The following ASIC2 variants were observed in gnomAD, a reference collection of about 807,000 sequenced individuals.
ASIC2 encodes acid sensing ion channel subunit 2.
In ASIC2, 25 loss-of-function variants were observed where a neutral mutation model predicts 57.3. The ratio of observed to expected loss-of-function variants is 0.44; its 90% CI spans 0.32 to 0.61. The LOEUF is 0.61. Ranked by LOEUF, ASIC2 falls within the 20% of genes least tolerant of loss-of-function variation. ASIC2 has a pLI of 0.06. For missense variants in ASIC2, 641 were observed against 738.1 expected (o/e 0.87, Z 1.52); for synonymous variants, 319 against 307.5 (o/e 1.04, Z -0.39).
At chr17:33,233,914 G>A (rs138554377) in intron 1 of ASIC2, among the ~76,000 whole-genome samples, 3 of 152,316 alleles carry the variant, frequency 2.0e-5, no homozygotes, top group Admixed American at 2.0e-4. Flanking sequence ...GTTTTCTTTA[G>A]GCGGGACAGC....
intron 1 of ASIC2, among the ~76,000 whole-genome samples, chr17:33,991,632 A>G (rs1906002736): frequency 6.6e-6 from 1 of 152,182 alleles, no homozygotes; most frequent in Non-Finnish European, 1.5e-5. Context: ...CCCCAAGGCA[A>G]TGCACTGTTG....
chr17:33,801,819 A>G (rs1030206236), intron 1 of ASIC2, among the ~76,000 whole-genome samples: 4 of 152,208 alleles, frequency 2.6e-5, no homozygotes, highest in African/African-American at 7.2e-5. Flanking sequence ...CCTCATTTAC[A>G]GGGCTCAATA....
intron 1 of ASIC2, among the ~76,000 whole-genome samples, chr17:33,780,700 C>G (rs1446844966): frequency 1.3e-5 from 2 of 152,154 alleles, no homozygotes; most frequent in African/African-American, 2.4e-5. Flanking sequence ...GGCACTGTCC[C>G]CAGAACCCAG....
intron 1 of ASIC2, among the ~76,000 whole-genome samples, chr17:33,535,519 G>A (rs1168054163): frequency 1.3e-5 from 2 of 151,776 alleles, no homozygotes; most frequent in East Asian, 1.9e-4. Flanking sequence ...CTCATGATCT[G>A]CCCGTCTCGG....
chr17:33,350,193 A>G (rs1273339764), intron 1 of ASIC2, among the ~76,000 whole-genome samples: 1 of 152,028 alleles, frequency 6.6e-6, no homozygotes, highest in African/African-American at 2.4e-5. Context: ...ACATGTATTT[A>G]TTTCCTGATT....
intron 1 of ASIC2, among the ~76,000 whole-genome samples, chr17:33,122,688 C>T (rs2092307571): frequency 6.6e-6 from 1 of 152,066 alleles, no homozygotes; most frequent in Non-Finnish European, 1.5e-5. Context: ...CATTTGAAAT[C>T]CCCTCTTTTA....
intron 1 of ASIC2, among the ~76,000 whole-genome samples, chr17:33,440,003 A>T (rs1308011212): frequency 6.6e-6 from 1 of 152,174 alleles, no homozygotes; most frequent in Non-Finnish European, 1.5e-5. Flanking sequence ...TTTTAAACAG[A>T]TATTTTGAGG....
intron 1 of ASIC2, among the ~76,000 whole-genome samples, chr17:33,221,110 T>C (rs1405066871): frequency 2.6e-5 from 4 of 152,006 alleles, no homozygotes; most frequent in African/African-American, 7.2e-5. Flanking sequence ...ATGCCAGGTG[T>C]AGGCAGACCC....
chr17:33,863,304 C>T (rs993932081), intron 1 of ASIC2, among the ~76,000 whole-genome samples: 3 of 152,222 alleles, frequency 2.0e-5, no homozygotes, highest in African/African-American at 7.2e-5. Flanking sequence ...AGCCGCAGTT[C>T]ACATAGAACT....
chr17:33,192,878 G>T (rs544225161), intron 1 of ASIC2, among the ~76,000 whole-genome samples: 28 of 151,690 alleles, frequency 1.8e-4, no homozygotes, highest in Non-Finnish European at 2.8e-4. Flanking sequence ...ATTTTTTTCC[G>T]CCATGTGATT....
At chr17:33,523,712 C>T (rs540947633) in intron 1 of ASIC2, among the ~76,000 whole-genome samples, 4 of 152,256 alleles carry the variant, frequency 2.6e-5, no homozygotes, top group East Asian at 1.9e-4. Flanking sequence ...TAAATAATCT[C>T]GAAGACACCC....
chr17:33,760,360 A>G (rs998764568), intron 1 of ASIC2, among the ~76,000 whole-genome samples: 2 of 152,068 alleles, frequency 1.3e-5, no homozygotes, highest in African/African-American at 4.8e-5. Context: ...TCAACAGAAC[A>G]CCCAGATATG....
intron 1 of ASIC2, among the ~76,000 whole-genome samples, chr17:33,353,036 C>T (rs918676801): frequency 7.2e-5 from 11 of 152,212 alleles, no homozygotes; most frequent in Non-Finnish European, 1.6e-4. Context: ...GGATTCTGAG[C>T]TCCTTAAGCG....
At chr17:33,363,657 C>T (rs1040390187) in intron 1 of ASIC2, among the ~76,000 whole-genome samples, 11 of 152,220 alleles carry the variant, frequency 7.2e-5, no homozygotes, top group Admixed American at 5.2e-4. Flanking sequence ...TCCCCATTCA[C>T]AGGTCAGTTG....
intron 1 of ASIC2, among the ~76,000 whole-genome samples, chr17:33,365,890 A>C (rs555376445): frequency 6.6e-6 from 1 of 152,350 alleles, no homozygotes; most frequent in South Asian, 2.1e-4. Context: ...GACATTGGCA[A>C]GGTAGGACTT....
chr17:33,707,272 C>A (rs1908891181), intron 1 of ASIC2, among the ~76,000 whole-genome samples: 1 of 152,048 alleles, frequency 6.6e-6, no homozygotes, highest in South Asian at 2.1e-4. Flanking sequence ...AAACCTATAA[C>A]CTTTAATTAT....
At chr17:34,099,132 G>C (rs796199671) in intron 1 of ASIC2, among the ~76,000 whole-genome samples, 2 of 32,460 alleles carry the variant, frequency 6.2e-5, no homozygotes, top group East Asian at 2.3e-3. Context: ...GAGAGAGAGA[G>C]AGAGAGAGAG....
At chr17:33,275,514 G>C (rs1446751271) in intron 1 of ASIC2, among the ~76,000 whole-genome samples, 5 of 152,170 alleles carry the variant, frequency 3.3e-5, no homozygotes, top group Non-Finnish European at 7.4e-5. Context: ...ACTAGCATCG[G>C]CCCTGGAAAG....
chr17:33,575,781 AG>A (rs1916600323), intron 1 of ASIC2, among the ~76,000 whole-genome samples: 1 of 152,136 alleles, frequency 6.6e-6, no homozygotes, highest in Non-Finnish European at 1.5e-5. Flanking sequence ...TCATGGGCAG[AG>A]GGGCAGGCTA....
Sources: allele counts gnomAD v4.1 joint callset (sites outside exome capture counted in the v4.1 genomes callset), GRCh38; gene constraint gnomAD v4.1.1; transcripts MANE v1.5; gene names NCBI Gene and HGNC (gene_info 2026-07-23, HGNC 2026-07-21).